Variants in ARL15 observed in about 807,000 individuals in gnomAD.
ARL15 encodes ADP-ribosylation factor-like protein 15.
ARL15 carries 19 observed loss-of-function variants against 25.2 expected under a neutral mutation model. The ratio of observed to expected loss-of-function variants is 0.75; its 90% CI spans 0.53 to 1.10. ARL15 has a LOEUF of 1.10. Ranked by LOEUF, ARL15 falls within the 50% of genes least tolerant of loss-of-function variation. The probability of loss-of-function intolerance (pLI) is 0.00; values close to 1 mark genes in which losing one functional copy is unlikely to be tolerated. For synonymous variants in ARL15, 94 were observed against 86.8 expected (o/e 1.08, Z -0.46); for missense variants, 220 against 246.0 (o/e 0.89, Z 0.71).
chr5:53,915,923 G>C (rs1334417274), intron 4 of ARL15, among the ~76,000 whole-genome samples: 1 of 152,168 alleles, frequency 6.6e-6, no homozygotes, highest in Non-Finnish European at 1.5e-5. Flanking sequence ...TTCCAAGATA[G>C]AAATTCTAAA....
At chr5:54,126,415 C>G (rs972132252) in intron 3 of ARL15, among the ~76,000 whole-genome samples, 1 of 152,218 alleles carries the variant, frequency 6.6e-6, no homozygotes, top group African/African-American at 2.4e-5. Flanking sequence ...AACTATGAAT[C>G]TTAAGTCATT....
intron 4 of ARL15, among the ~76,000 whole-genome samples, chr5:53,897,744 G>C (rs1487523448): frequency 6.6e-6 from 1 of 152,118 alleles, no homozygotes; most frequent in Non-Finnish European, 1.5e-5. Flanking sequence ...TTTATATCCT[G>C]AGATAAACTA....
intron 4 of ARL15, among the ~76,000 whole-genome samples, chr5:54,027,810 CA>C (rs1465243344): frequency 6.6e-6 from 1 of 152,050 alleles, no homozygotes; most frequent in Non-Finnish European, 1.5e-5. Context: ...AGAACAAACT[CA>C]CTCCCTGTAT....
In ARL15 at chr5:53,884,622, T is replaced by C. The variant is rs1744458733; in HGVS notation, c.*1939A>G. ...GTTTTCATTCTGACGGCTGAGACGC[T>C]GCAGACAGTCGTGGGTTTGAGGAGA... On this transcript the variant is annotated 3_prime_UTR_variant, in exon 5 of 5. Coordinates refer to ENST00000504924, the MANE Select transcript of ARL15 (RefSeq NM_019087.3). 6.6e-6 allele frequency: 1 copy of C among 152,050 alleles called. No homozygotes were observed. The highest frequency in any genetic ancestry group is 6.6e-5 in the Admixed American group (1 of 15,242). 9.4% of individuals were successfully genotyped at this position (152,050 alleles called of 1,614,324 possible). A position where few individuals can be genotyped will look rare whatever the true frequency, so the allele number is the denominator to read the frequency against.
chr5:54,267,723 A>G (rs1164564306), intron 1 of ARL15, among the ~76,000 whole-genome samples: 2 of 152,092 alleles, frequency 1.3e-5, no homozygotes, highest in Non-Finnish European at 2.9e-5. Context: ...TCCTTCACTT[A>G]TGAAGCTTAG....
chr5:54,065,463 C>T (rs10062384), intron 4 of ARL15, among the ~76,000 whole-genome samples: 12,159 of 152,032 alleles, frequency 0.08, 597 homozygotes, highest in African/African-American at 0.13. Context: ...GTCAGGAGTT[C>T]GAGACCAGGC....
At chr5:54,146,414 G>GA (rs1171371428) in intron 3 of ARL15, among the ~76,000 whole-genome samples, 4 of 151,278 alleles carry the variant, frequency 2.6e-5, no homozygotes, top group Admixed American at 2.0e-4. Context: ...TCGACTGCTG[G>GA]AAAAAAAAAT....
chr5:54,268,833 G>A (rs1349063547), intron 1 of ARL15, among the ~76,000 whole-genome samples: 6 of 152,244 alleles, frequency 3.9e-5, no homozygotes, highest in South Asian at 2.1e-4. Flanking sequence ...AATGTCCAAC[G>A]ATGATATATT....
intron 4 of ARL15, among the ~76,000 whole-genome samples, chr5:54,042,119 C>T (rs1225254233): frequency 2.6e-5 from 4 of 151,926 alleles, no homozygotes; most frequent in Admixed American, 6.6e-5. Flanking sequence ...TACAGGCAAG[C>T]GCCACCACGC....
At chr5:54,021,178 A>G (rs1034944709) in intron 4 of ARL15, among the ~76,000 whole-genome samples, 1 of 152,012 alleles carries the variant, frequency 6.6e-6, no homozygotes, top group African/African-American at 2.4e-5. Flanking sequence ...TCTACTAAAA[A>G]TACAAAATTA....
At chr5:54,283,393 G>A (rs1047930638) in intron 1 of ARL15, among the ~76,000 whole-genome samples, 1 of 152,180 alleles carries the variant, frequency 6.6e-6, no homozygotes, top group Non-Finnish European at 1.5e-5. Context: ...AAACTCTTAG[G>A]ACACTCTGTT....
At chr5:54,209,157 G>A (rs185086776) in intron 1 of ARL15, among the ~76,000 whole-genome samples, 148 of 152,214 alleles carry the variant, frequency 9.7e-4, no homozygotes, top group African/African-American at 3.4e-3. Flanking sequence ...AACTATATGG[G>A]CAGAATGAAG....
At chr5:54,130,044 G>T (rs1280324921) in intron 3 of ARL15, among the ~76,000 whole-genome samples, 1 of 152,162 alleles carries the variant, frequency 6.6e-6, no homozygotes, top group Non-Finnish European at 1.5e-5. Flanking sequence ...TCCAAGACCA[G>T]CCTGGGCAAC....
intron 4 of ARL15, among the ~76,000 whole-genome samples, chr5:54,033,683 A>G (rs1750070236): frequency 6.6e-6 from 1 of 152,168 alleles, no homozygotes; most frequent in Admixed American, 6.5e-5. Flanking sequence ...AAAAAAAAAA[A>G]AAAAGAAAGA....
At chr5:54,246,799 C>CACAT (rs1561281906) in intron 1 of ARL15, among the ~76,000 whole-genome samples, 2 of 4,306 alleles carry the variant, frequency 4.6e-4, no homozygotes, top group Non-Finnish European at 5.2e-3. Context: ...AGCATGCATA[C>CACAT]ACACACACAC....
chr5:54,094,372 A>G (rs937559678), intron 4 of ARL15, among the ~76,000 whole-genome samples: 2 of 151,896 alleles, frequency 1.3e-5, no homozygotes, highest in African/African-American at 4.8e-5. Flanking sequence ...AATATTAAAG[A>G]TTTTTGATTA....
intron 4 of ARL15, among the ~76,000 whole-genome samples, chr5:54,005,437 T>C (rs2111747245): frequency 6.6e-6 from 1 of 152,272 alleles, no homozygotes; most frequent in East Asian, 1.9e-4. Flanking sequence ...GAATGCTTTA[T>C]TGGACCGGGT....
rs141910095 is a variant in ARL15 at position 54,180,498 on chromosome 5, C to T, written c.49-8570G>A. Among the ~76,000 whole-genome samples, 566 of 152,276 alleles carry T rather than the reference C, an allele frequency of 3.7e-3. 4 individuals are homozygous for T. Among genetic ancestry groups the T allele is most frequent in the African/African-American group, 0.011 (474 of 41,534 alleles). ...CACAGCCCAGCTGAAGACTTCTCCACGTTCCAAGAGCAACCTATGTTTTGA... is the reference window on the plus strand; with the variant it reads ...CACAGCCCAGCTGAAGACTTCTCCATGTTCCAAGAGCAACCTATGTTTTGA... On this transcript the variant is annotated intron_variant, in intron 1 of 4. Transcript: ENST00000504924.
intron 4 of ARL15, among the ~76,000 whole-genome samples, chr5:53,895,018 G>C (rs1462430090): frequency 6.6e-6 from 1 of 152,158 alleles, no homozygotes; most frequent in Non-Finnish European, 1.5e-5. Context: ...TCATGCTACA[G>C]TGGCAAAGTT....
Sources: allele counts gnomAD v4.1 joint callset (sites outside exome capture counted in the v4.1 genomes callset), GRCh38; gene constraint gnomAD v4.1.1; transcripts MANE v1.5; gene names NCBI Gene and HGNC (gene_info 2026-07-23, HGNC 2026-07-21).